The following FHIT variants were observed in gnomAD, a reference collection of about 807,000 sequenced individuals.
The protein encoded by FHIT is fragile histidine triad diadenosine triphosphatase, also known as bis(5'-adenosyl)-triphosphatase.
In FHIT, 19 loss-of-function variants were observed where a neutral mutation model predicts 17.9. The ratio of observed to expected loss-of-function variants is 1.06; its 90% CI spans 0.74 to 1.56. The LOEUF is 1.56. FHIT is among the 40% of genes most tolerant of loss of function. FHIT has a pLI of 0.00. For synonymous variants in FHIT, 81 were observed against 69.7 expected, an observed-to-expected ratio of 1.16 and a Z score of -0.81; for missense variants, 248 against 189.2, an observed-to-expected ratio of 1.31 and a Z score of -1.82.
At chr3:61,156,633 G>A (rs1429184022) in intron 2 of FHIT, among the ~76,000 whole-genome samples, 1 of 152,128 alleles carries the variant, frequency 6.6e-6, no homozygotes, top group Admixed American at 6.6e-5. Flanking sequence ...AGTTTAAGAG[G>A]TAAAGTTTAT....
chr3:60,185,804 G>C (rs1274918750), intron 5 of FHIT, among the ~76,000 whole-genome samples: 1 of 152,018 alleles, frequency 6.6e-6, no homozygotes, highest in Non-Finnish European at 1.5e-5. Context: ...TTTGGTATTT[G>C]GTATTTGCTC....
At chr3:60,710,901 G>A (rs1363032999) in intron 4 of FHIT, among the ~76,000 whole-genome samples, 1 of 152,222 alleles carries the variant, frequency 6.6e-6, no homozygotes, top group Admixed American at 6.5e-5. Flanking sequence ...GTCCCTGACT[G>A]ACAGCTTTGA....
intron 8 of FHIT, among the ~76,000 whole-genome samples, chr3:59,774,710 T>A (rs1301559710): frequency 6.6e-6 from 1 of 152,176 alleles, no homozygotes; most frequent in African/African-American, 2.4e-5. Flanking sequence ...GTGGCATCAT[T>A]TTCTGTCTTG....
chr3:61,043,361 G>A (rs939014731), intron 2 of FHIT, among the ~76,000 whole-genome samples: 4 of 152,174 alleles, frequency 2.6e-5, no homozygotes, highest in Non-Finnish European at 5.9e-5. Context: ...CACGCCCACG[G>A]AGCCTTGCTC....
At chr3:59,794,442 C>T (rs1421893345) in intron 8 of FHIT, among the ~76,000 whole-genome samples, 1 of 152,172 alleles carries the variant, frequency 6.6e-6, no homozygotes, top group East Asian at 1.9e-4. Context: ...TCCATTGCTA[C>T]TTTTCATTTG....
intron 1 of FHIT, among the ~76,000 whole-genome samples, chr3:61,206,681 T>G (rs2039245507): frequency 6.6e-6 from 1 of 151,932 alleles, no homozygotes; most frequent in Non-Finnish European, 1.5e-5. Flanking sequence ...ATCCTGAGAC[T>G]TTCCTGAAGT....
At chr3:60,061,895 G>T (rs1353436692) in intron 5 of FHIT, among the ~76,000 whole-genome samples, 1 of 152,128 alleles carries the variant, frequency 6.6e-6, no homozygotes, top group Non-Finnish European at 1.5e-5. Flanking sequence ...TTCACATGTA[G>T]GAGAGAAAGC....
intron 5 of FHIT, among the ~76,000 whole-genome samples, chr3:60,033,987 G>C (rs1005247685): frequency 6.6e-6 from 1 of 152,186 alleles, no homozygotes; most frequent in South Asian, 2.1e-4. Flanking sequence ...ACACCGTCTC[G>C]TGAGGGAGTA....
At chr3:60,287,682 T>C (rs1707791731) in intron 5 of FHIT, among the ~76,000 whole-genome samples, 1 of 152,052 alleles carries the variant, frequency 6.6e-6, no homozygotes, top group Admixed American at 6.6e-5. Context: ...TCATCAAGTA[T>C]TATGTGCATA....
At chr3:59,815,720 C>T (rs1700575215) in intron 8 of FHIT, among the ~76,000 whole-genome samples, 1 of 152,006 alleles carries the variant, frequency 6.6e-6, no homozygotes, top group Non-Finnish European at 1.5e-5. Flanking sequence ...ACACAGTGGA[C>T]TCTGGGGACT....
intron 2 of FHIT, among the ~76,000 whole-genome samples, chr3:61,098,343 T>C (rs920411952): frequency 2.0e-5 from 3 of 152,186 alleles, no homozygotes; most frequent in African/African-American, 7.2e-5. Context: ...GCTGTTTTGG[T>C]CACTGTAGCC....
At chr3:60,608,504 G>T (rs1337320181) in intron 4 of FHIT, among the ~76,000 whole-genome samples, 1 of 152,114 alleles carries the variant, frequency 6.6e-6, no homozygotes, top group African/African-American at 2.4e-5. Context: ...AGCTCTCTGG[G>T]GTGCTACATG....
intron 4 of FHIT, among the ~76,000 whole-genome samples, chr3:60,701,150 A>T (rs1235843935): frequency 7.2e-6 from 1 of 138,204 alleles, no homozygotes; most frequent in Non-Finnish European, 1.5e-5. Context: ...TTAAGACAGG[A>T]TCTCCCTTTG....
chr3:61,070,545 A>G lies in FHIT; in HGVS notation c.-163-28446T>C, dbSNP rs533194691. 3.3e-5 allele frequency among the ~76,000 whole-genome samples: 5 copies of G among 152,324 alleles called. No homozygotes were observed. The East Asian group carries it at 9.7e-4, about 29-fold the overall frequency. Reference sequence around the variant, plus strand: ...AATTCATTTGTCTTTCTAACCTATTAGAATCCAATTCAGTCTCTTTGGCTC... The same window carrying G: ...AATTCATTTGTCTTTCTAACCTATTGGAATCCAATTCAGTCTCTTTGGCTC... On this transcript the variant is annotated intron_variant, in intron 2 of 9. Coordinates refer to ENST00000492590, the MANE Select transcript of FHIT (RefSeq NM_002012.4).
chr3:60,945,442 G>C (rs1473548870), intron 3 of FHIT, among the ~76,000 whole-genome samples: 6 of 152,086 alleles, frequency 3.9e-5, no homozygotes, highest in Admixed American at 3.9e-4. Flanking sequence ...ACCCACACTG[G>C]AGTGCAGTGG....
At chr3:60,609,714 T>C (rs1553672717) in intron 4 of FHIT, among the ~76,000 whole-genome samples, 1 of 152,142 alleles carries the variant, frequency 6.6e-6, no homozygotes, top group East Asian at 1.9e-4. Flanking sequence ...AAATAGCCTT[T>C]CCATCTGGGC....
intron 3 of FHIT, among the ~76,000 whole-genome samples, chr3:60,961,548 T>C (rs1303562919): frequency 6.6e-6 from 1 of 152,088 alleles, no homozygotes; most frequent in Non-Finnish European, 1.5e-5. Context: ...TCTTCTAGGG[T>C]TTTATGGTTT....
At chr3:60,303,608 T>C (rs528205534) in intron 5 of FHIT, among the ~76,000 whole-genome samples, 117 of 152,254 alleles carry the variant, frequency 7.7e-4, no homozygotes, top group Non-Finnish European at 1.3e-3. Flanking sequence ...TGTGTGCCGC[T>C]TCACAGCCCA....
intron 5 of FHIT, among the ~76,000 whole-genome samples, chr3:60,116,079 T>C (rs954146156): frequency 2.6e-5 from 4 of 152,180 alleles, no homozygotes; most frequent in African/African-American, 9.7e-5. Context: ...TCCCTAGACA[T>C]ATTAAATCTG....
Sources: allele counts gnomAD v4.1 joint callset (sites outside exome capture counted in the v4.1 genomes callset), GRCh38; gene constraint gnomAD v4.1.1; transcripts MANE v1.5; gene names NCBI Gene and HGNC (gene_info 2026-07-23, HGNC 2026-07-21).